COL19A1: variants seen among roughly 807,000 people sequenced by gnomAD.
The protein encoded by COL19A1 is collagen type XIX alpha 1 chain.
Under a neutral mutation model 190.2 loss-of-function variants are expected in COL19A1, and 159 were observed. The ratio of observed to expected loss-of-function variants is 0.84; its 90% CI spans 0.73 to 0.95. The LOEUF (loss-of-function observed/expected upper bound fraction) is 0.95. Among genes scored for constraint, COL19A1 ranks in the 40% least tolerant of loss-of-function variants. The probability of loss-of-function intolerance (pLI) is 0.00; values close to 1 mark genes in which losing one functional copy is unlikely to be tolerated. For missense variants in COL19A1, 1,418 were observed against 1,431.9 expected, an observed-to-expected ratio of 0.99 and a Z score of 0.16; for synonymous variants, 509 against 458.9, an observed-to-expected ratio of 1.11 and a Z score of -1.39.
intron 16 of COL19A1, among the ~76,000 whole-genome samples, chr6:70,115,059 C>T (rs1784485196): frequency 6.6e-6 from 1 of 152,176 alleles, no homozygotes; most frequent in Non-Finnish European, 1.5e-5. Flanking sequence ...AAGCCTCTTT[C>T]CAGAAAGTGA....
At chr6:69,978,995 A>T (rs1387504099) in intron 11 of COL19A1, among the ~76,000 whole-genome samples, 1 of 151,864 alleles carries the variant, frequency 6.6e-6, no homozygotes, top group East Asian at 1.9e-4. Flanking sequence ...AAAATGGATG[A>T]TTTCCTCAAA....
At chr6:70,201,332 T>C (rs995156936) in intron 49 of COL19A1, among the ~76,000 whole-genome samples, 1 of 152,204 alleles carries the variant, frequency 6.6e-6, no homozygotes, top group Non-Finnish European at 1.5e-5. Flanking sequence ...TGGAAGGCTG[T>C]CAGTCAGAGG....
intron 48 of COL19A1, 76 bp downstream of exon 48, chr6:70,190,457 C>T (rs541642476): frequency 1.1e-4 from 106 of 984,470 alleles, no homozygotes; most frequent in Non-Finnish European, 5.8e-5. Context: ...ATCCCTCCAG[C>T]AACATTCTCG....
chr6:69,920,317 G>A (rs558616693), intron 4 of COL19A1, among the ~76,000 whole-genome samples: 88 of 152,218 alleles, frequency 5.8e-4, no homozygotes, highest in Admixed American at 1.2e-3. Context: ...TCACTTCCCC[G>A]AAGTTTCATA....
chr6:70,120,214 T>C (rs770089061), intron 16 of COL19A1, among the ~76,000 whole-genome samples: 11 of 152,228 alleles, frequency 7.2e-5, no homozygotes, highest in Non-Finnish European at 1.3e-4. Context: ...CCCTCTCTTT[T>C]AACTAGATTG....
intron 42 of COL19A1, among the ~76,000 whole-genome samples, chr6:70,177,569 G>T (rs115564419): frequency 1.3e-5 from 2 of 152,284 alleles, no homozygotes; most frequent in East Asian, 1.9e-4. Flanking sequence ...TCAAATATTC[G>T]TATGACTGTA....
chr6:70,089,083 C>G (rs1035516864), intron 15 of COL19A1, among the ~76,000 whole-genome samples: 6 of 152,096 alleles, frequency 3.9e-5, no homozygotes, highest in African/African-American at 1.4e-4. Context: ...TTCTCTTTGC[C>G]TCTGGAGATC....
At chr6:70,079,554 A>G (rs1315210873) in intron 15 of COL19A1, among the ~76,000 whole-genome samples, 1 of 152,190 alleles carries the variant, frequency 6.6e-6, no homozygotes, top group African/African-American at 2.4e-5. Context: ...AGTTTAAAGT[A>G]TAGAAAAGTG....
At chr6:70,131,702 G>A (rs1004658880) in intron 18 of COL19A1, among the ~76,000 whole-genome samples, 1 of 152,200 alleles carries the variant, frequency 6.6e-6, no homozygotes, top group Non-Finnish European at 1.5e-5. Context: ...CACAAAGCTT[G>A]TCACATAGGA....
chr6:70,064,609 A>T (rs1180234488), intron 14 of COL19A1, among the ~76,000 whole-genome samples: 2 of 152,174 alleles, frequency 1.3e-5, no homozygotes, highest in Non-Finnish European at 2.9e-5. Flanking sequence ...AGTTCTGGCC[A>T]GGGCAATCAG....
intron 11 of COL19A1, among the ~76,000 whole-genome samples, chr6:70,020,111 T>A (rs1778336637): frequency 6.6e-6 from 1 of 152,122 alleles, no homozygotes; most frequent in African/African-American, 2.4e-5. Context: ...ATATTATTAA[T>A]TGCCATCTAG....
At chr6:69,926,543 G>T (rs1326248192) in intron 4 of COL19A1, among the ~76,000 whole-genome samples, 2 of 152,060 alleles carry the variant, frequency 1.3e-5, no homozygotes, top group African/African-American at 2.4e-5. Flanking sequence ...CTGATCTGAG[G>T]TAGGAGAAGA....
At chr6:70,038,151 T>C (rs1779450885) in intron 14 of COL19A1, among the ~76,000 whole-genome samples, 1 of 152,240 alleles carries the variant, frequency 6.6e-6, no homozygotes, top group Admixed American at 6.5e-5. Context: ...CCCAAATGAC[T>C]AACTGCGTTA....
chr6:70,159,610 A>G (rs542622459), intron 34 of COL19A1, among the ~76,000 whole-genome samples: 1 of 152,332 alleles, frequency 6.6e-6, no homozygotes, highest in African/African-American at 2.4e-5. Flanking sequence ...GAAGTAACAC[A>G]TGATGCCATT....
rs372750245 is a variant in COL19A1, at chr6:69,936,908, A to G, written c.871A>G (p.Lys291Glu). 3.8e-5 allele frequency: 61 copies of G among 1,612,610 alleles called. No individual in the cohort carries two copies. The highest frequency in any genetic ancestry group is 4.8e-5 in the Non-Finnish European group (57 of 1,179,052). Residue 291 changes from lysine (K) to glutamate (E), a missense_variant and splice_region_variant, in exon 8 of 51, where the codon AAG becomes GAG. By Grantham distance (56) the Lys-to-Glu change is moderately conservative. Coordinates refer to ENST00000620364, the MANE Select transcript of COL19A1 (RefSeq NM_001858.6). Reference sequence around the variant, plus strand: ...AGACCAGTGCCAGTGCATTCCAAACAAGGTATGCTAGTTTTAATTGGTGCA... The same window carrying G: ...AGACCAGTGCCAGTGCATTCCAAACGAGGTATGCTAGTTTTAATTGGTGCA... ...LKDQCQCIPN[K>E]GEAGLPGAPG...
At position 69,921,699 on chromosome 6, in the gene COL19A1, TATATATTC is replaced by T. The variant is rs1771960552; in HGVS notation, c.267-6209_267-6202del. On this transcript the variant is annotated intron_variant, in intron 4 of 50. Transcript: ENST00000620364. ...TCGTATATATTCGTATGTAGATTCG[TATATATTC>T]GTATGTAGATTCGTATATATTCGTA... Among the ~76,000 whole-genome samples, 13 of 147,444 alleles carry T rather than the reference TATATATTC, an allele frequency of 8.8e-5. No homozygotes were observed. The South Asian group carries it at 2.4e-3, about 27-fold the overall frequency.
At chr6:69,869,895 A>C (rs771198418) in intron 1 of COL19A1, among the ~76,000 whole-genome samples, 4 of 152,234 alleles carry the variant, frequency 2.6e-5, no homozygotes, top group Non-Finnish European at 5.9e-5. Flanking sequence ...AACAAAACTG[A>C]GGAAATGTAA....
intron 41 of COL19A1, among the ~76,000 whole-genome samples, chr6:70,173,263 G>A (rs892779603): frequency 2.6e-5 from 4 of 152,194 alleles, no homozygotes; most frequent in Non-Finnish European, 4.4e-5. Flanking sequence ...AAGTCTAAGT[G>A]GAGATATAAA....
At chr6:70,004,087 C>T (rs1320932306) in intron 11 of COL19A1, among the ~76,000 whole-genome samples, 1 of 152,110 alleles carries the variant, frequency 6.6e-6, no homozygotes, top group Non-Finnish European at 1.5e-5. Flanking sequence ...AATCCCTCAG[C>T]ATTTGCTTGT....
Sources: allele counts gnomAD v4.1 joint callset (sites outside exome capture counted in the v4.1 genomes callset), GRCh38; gene constraint gnomAD v4.1.1; transcripts MANE v1.5; gene names NCBI Gene and HGNC (gene_info 2026-07-23, HGNC 2026-07-21).